The following ARHGAP15 variants were observed in gnomAD, a reference collection of about 807,000 sequenced individuals.
ARHGAP15 encodes rho GTPase-activating protein 15.
ARHGAP15 carries 51 observed loss-of-function variants against 63.7 expected under a neutral mutation model. The observed-to-expected ratio is 0.80, with a 90% CI of 0.64 to 1.01. The LOEUF is 1.01. ARHGAP15 is among the 50% of genes least tolerant of loss of function. ARHGAP15 has a pLI of 0.00. For synonymous variants in ARHGAP15, 191 were observed against 193.8 expected, an observed-to-expected ratio of 0.99 and a Z score of 0.12; for missense variants, 560 against 564.6, an observed-to-expected ratio of 0.99 and a Z score of 0.08.
intron 6 of ARHGAP15, among the ~76,000 whole-genome samples, chr2:143,403,015 A>T (rs946228105): frequency 1.3e-5 from 2 of 151,870 alleles, no homozygotes; most frequent in Non-Finnish European, 2.9e-5. Flanking sequence ...AAAAGGATTC[A>T]AGTAAAACCT....
intron 6 of ARHGAP15, among the ~76,000 whole-genome samples, chr2:143,298,707 T>C (rs929510397): frequency 3.3e-5 from 5 of 151,952 alleles, no homozygotes; most frequent in African/African-American, 1.2e-4. Context: ...CTCACATATA[T>C]GGCAATAGTG....
At chr2:143,479,270 G>T (rs1691963794) in intron 8 of ARHGAP15, among the ~76,000 whole-genome samples, 1 of 151,000 alleles carries the variant, frequency 6.6e-6, no homozygotes, top group South Asian at 2.1e-4. Flanking sequence ...AAATCTAAGT[G>T]TTAATTTCGT....
At chr2:143,460,963 G>A (rs1690902636) in intron 8 of ARHGAP15, among the ~76,000 whole-genome samples, 1 of 152,050 alleles carries the variant, frequency 6.6e-6, no homozygotes, top group Non-Finnish European at 1.5e-5. Flanking sequence ...TAAAATGTTT[G>A]CCCCTTCCTC....
chr2:143,636,515 C>T (rs919110364), intron 12 of ARHGAP15, among the ~76,000 whole-genome samples: 10 of 152,218 alleles, frequency 6.6e-5, no homozygotes, highest in African/African-American at 1.2e-4. Context: ...AGAGCTTCTG[C>T]GAGCTGGGCC....
At chr2:143,534,603 G>A (rs1230476436) in intron 10 of ARHGAP15, among the ~76,000 whole-genome samples, 10 of 152,160 alleles carry the variant, frequency 6.6e-5, no homozygotes, top group Non-Finnish European at 1.5e-4. Context: ...ATGGGGCCAG[G>A]AAAAGTGGCT....
At chr2:143,223,376 G>T (rs2105159739) in intron 4 of ARHGAP15, among the ~76,000 whole-genome samples, 2 of 152,232 alleles carry the variant, frequency 1.3e-5, no homozygotes, top group South Asian at 4.1e-4. Context: ...GAAACTGATG[G>T]CTGTCTCCCT....
chr2:143,363,410 G>A (rs1412152574), intron 6 of ARHGAP15, among the ~76,000 whole-genome samples: 1 of 152,080 alleles, frequency 6.6e-6, no homozygotes, highest in East Asian at 1.9e-4. Flanking sequence ...GCTTGGAGTT[G>A]CTTGAACCCG....
At chr2:143,255,322 G>T (rs1227111276) in intron 6 of ARHGAP15, among the ~76,000 whole-genome samples, 1 of 151,502 alleles carries the variant, frequency 6.6e-6, no homozygotes, top group Non-Finnish European at 1.5e-5. Flanking sequence ...CACATTTCCT[G>T]GATTTGAGAT....
chr2:143,729,473 C>T (rs1281770688), intron 13 of ARHGAP15, among the ~76,000 whole-genome samples: 1 of 152,196 alleles, frequency 6.6e-6, no homozygotes, highest in Non-Finnish European at 1.5e-5. Flanking sequence ...GTCCGATTCA[C>T]TTTTGTTTTC....
At chr2:143,612,566 A>G (rs1167806240) in intron 11 of ARHGAP15, among the ~76,000 whole-genome samples, 1 of 152,178 alleles carries the variant, frequency 6.6e-6, no homozygotes, top group African/African-American at 2.4e-5. Flanking sequence ...CATTCCACAC[A>G]TTGTGTTCAT....
At chr2:143,538,620 T>G (rs1035601571) in intron 10 of ARHGAP15, among the ~76,000 whole-genome samples, 5 of 152,250 alleles carry the variant, frequency 3.3e-5, no homozygotes, top group African/African-American at 1.2e-4. Flanking sequence ...AGGCCTTTTC[T>G]GCATCTATTG....
intron 6 of ARHGAP15, among the ~76,000 whole-genome samples, chr2:143,388,831 C>T (rs1297043384): frequency 6.6e-6 from 1 of 152,036 alleles, no homozygotes; most frequent in African/African-American, 2.4e-5. Context: ...AGGCCAGTGC[C>T]ATTTTGTAAA....
chr2:143,632,481 G>GT (rs1680089715), intron 12 of ARHGAP15, among the ~76,000 whole-genome samples: 1 of 151,942 alleles, frequency 6.6e-6, no homozygotes, highest in African/African-American at 2.4e-5. Flanking sequence ...TTTGAAGAGT[G>GT]TTTTTTTAAA....
At chr2:143,680,558 T>C (rs1683054188) in intron 12 of ARHGAP15, among the ~76,000 whole-genome samples, 1 of 152,216 alleles carries the variant, frequency 6.6e-6, no homozygotes, top group African/African-American at 2.4e-5. Context: ...ATAAAAATTT[T>C]CTTTGGTTTA....
intron 8 of ARHGAP15, among the ~76,000 whole-genome samples, chr2:143,444,145 C>T (rs541698709): frequency 6.6e-6 from 1 of 152,254 alleles, no homozygotes; most frequent in Non-Finnish European, 1.5e-5. Context: ...GAGCATATTT[C>T]CCCTTAGATG....
intron 9 of ARHGAP15, among the ~76,000 whole-genome samples, chr2:143,495,589 G>A (rs1692780027): frequency 6.6e-6 from 1 of 151,998 alleles, no homozygotes; most frequent in South Asian, 2.1e-4. Context: ...AAAAATTATA[G>A]TTCTTTTAAA....
At chr2:143,733,373 A>G (rs1207076761) in intron 13 of ARHGAP15, among the ~76,000 whole-genome samples, 4 of 152,168 alleles carry the variant, frequency 2.6e-5, no homozygotes, top group African/African-American at 9.7e-5. Context: ...AGATCCCTGA[A>G]GAGTCTTTTT....
chr2:143,533,663 T>G (rs1694618738), intron 10 of ARHGAP15, among the ~76,000 whole-genome samples: 1 of 152,190 alleles, frequency 6.6e-6, no homozygotes, highest in Admixed American at 6.5e-5. Context: ...GGAGTCTCAC[T>G]GACACTTCTA....
At chr2:143,530,624 C>G (rs1235731941) in intron 10 of ARHGAP15, among the ~76,000 whole-genome samples, 2 of 46,298 alleles carry the variant, frequency 4.3e-5, no homozygotes, top group African/African-American at 2.1e-4. Context: ...ATTATCACCC[C>G]CTAGGTAATC....
Sources: allele counts gnomAD v4.1 joint callset (sites outside exome capture counted in the v4.1 genomes callset), GRCh38; gene constraint gnomAD v4.1.1; transcripts MANE v1.5; gene names NCBI Gene and HGNC (gene_info 2026-07-23, HGNC 2026-07-21).